Variants in FAM53B observed in about 807,000 individuals in gnomAD.
FAM53B encodes the protein protein FAM53B.
FAM53B carries 12 observed loss-of-function variants against 32.7 expected under a neutral mutation model. The ratio of observed to expected loss-of-function variants is 0.37; its 90% confidence interval spans 0.24 to 0.59. The LOEUF (loss-of-function observed/expected upper bound fraction) is 0.59. Among genes scored for constraint, FAM53B ranks in the 20% least tolerant of loss-of-function variants. The pLI is 0.72. For synonymous variants in FAM53B, 234 were observed against 228.7 expected (o/e 1.02, Z -0.21); for missense variants, 477 against 577.7 (o/e 0.83, Z 1.79).
At chr10:124,732,429 T>A (rs1303493869) in intron 1 of FAM53B, among the ~76,000 whole-genome samples, 1 of 152,110 alleles carries the variant, frequency 6.6e-6, no homozygotes, top group Non-Finnish European at 1.5e-5. Context: ...GCTCCTCAGG[T>A]GAGCAGACGG....
At chr10:124,659,451 T>C (rs921550703) in intron 4 of FAM53B, among the ~76,000 whole-genome samples, 2 of 152,220 alleles carry the variant, frequency 1.3e-5, no homozygotes, top group African/African-American at 2.4e-5. Context: ...CAGTAAGAAC[T>C]TTCTAACACA....
At position 124,643,917 on chromosome 10, in the gene FAM53B, C is replaced by A. The variant is rs73379056; in HGVS notation, c.907-20313G>T. ...CAGAGGTTGGAGATGCCCATCTGTA[C>A]ATGGCATCTGCCCCCAGAAAAGGCT... On this transcript the variant is annotated intron_variant, in intron 4 of 4. Transcript: ENST00000337318. 5.2e-3 allele frequency among the ~76,000 whole-genome samples: 785 copies of A among 152,348 alleles called. 5 individuals are homozygous for A. The highest frequency in any genetic ancestry group is 0.018 in the African/African-American group (752 of 41,572).
chr10:124,621,015 G>A lies in FAM53B; in HGVS notation c.*2227C>T, dbSNP rs1380462125. ...CCTGAATGGGGAGGTGGCAGGCAAG[G>A]TTTGAGGGCAGGTCACCCACACCCC... On this transcript the variant is annotated 3_prime_UTR_variant, in exon 5 of 5. Coordinates refer to ENST00000337318, the MANE Select transcript of FAM53B (RefSeq NM_014661.4). 10 of 152,226 alleles carry A rather than the reference G, an allele frequency of 6.6e-5. No homozygotes were observed. Among genetic ancestry groups the A allele is most frequent in the African/African-American group, 1.9e-4 (8 of 41,438 alleles). 9.4% of individuals were successfully genotyped at this position (152,226 alleles called of 1,614,324 possible).
chr10:124,699,072 G>A (rs1219019168), intron 2 of FAM53B, among the ~76,000 whole-genome samples: 1 of 152,210 alleles, frequency 6.6e-6, no homozygotes, highest in Non-Finnish European at 1.5e-5. Context: ...TGGCCTTGCC[G>A]GACCATCCTG....
intron 1 of FAM53B, among the ~76,000 whole-genome samples, chr10:124,721,129 G>A (rs1222773811): frequency 1.3e-5 from 2 of 152,236 alleles, no homozygotes; most frequent in African/African-American, 4.8e-5. Context: ...TTGAGTCCGA[G>A]AAGCGGAGGT....
rs553323771 is a variant in FAM53B, at chr10:124,640,610, C to G, written c.907-17006G>C. Among the ~76,000 whole-genome samples, 3 of 152,322 alleles carry G rather than the reference C, an allele frequency of 2.0e-5. No homozygotes were observed. In the South Asian group the frequency reaches 6.2e-4, roughly 32 times the overall value. ...GTTCGTTCTGGTGTCCTAGCAGCTGCAGAGCCTCGAATGATGGCAGAGCTA... is the reference window on the plus strand; with the variant it reads ...GTTCGTTCTGGTGTCCTAGCAGCTGGAGAGCCTCGAATGATGGCAGAGCTA... On this transcript the variant is annotated intron_variant, in intron 4 of 4. Coordinates refer to ENST00000337318, the MANE Select transcript of FAM53B (RefSeq NM_014661.4).
At chr10:124,676,597 A>G (rs955890664) in intron 4 of FAM53B, among the ~76,000 whole-genome samples, 6 of 126,960 alleles carry the variant, frequency 4.7e-5, no homozygotes, top group African/African-American at 1.7e-4. Context: ...CCAGCACAAA[A>G]GATGGAAAGT....
chr10:124,727,697 C>A (rs909906823), intron 1 of FAM53B, among the ~76,000 whole-genome samples: 4 of 151,976 alleles, frequency 2.6e-5, no homozygotes, highest in African/African-American at 9.7e-5. Context: ...ACTCAAATGC[C>A]TTCCAGGGCC....
intron 4 of FAM53B, among the ~76,000 whole-genome samples, chr10:124,632,169 G>A (rs1040067765): frequency 6.6e-6 from 1 of 152,242 alleles, no homozygotes. Flanking sequence ...CAGGCCACAC[G>A]GTGGCGACGT....
At position 124,733,338 on chromosome 10, in the gene FAM53B, A is replaced by G. The variant is rs1950156265; in HGVS notation, c.-175+10675T>C. On this transcript the variant is annotated intron_variant, in intron 1 of 4. Transcript: ENST00000337318. This position sits in a 1 kb window ranked among gnomAD's most constrained non-coding sequence, Gnocchi z 4.3. ...CTGGGCTGGCATCTGAGGGCGGTGG[A>G]GGCCTCAGGCGCACTGGCCGCCAAG... 1.3e-5 allele frequency among the ~76,000 whole-genome samples: 2 copies of G among 152,136 alleles called. No homozygotes were observed. Among genetic ancestry groups the G allele is most frequent in the Non-Finnish European group, 2.9e-5 (2 of 68,032 alleles).
At position 124,682,049 on chromosome 10, in the gene FAM53B, T is replaced by G; in HGVS notation, c.464A>C (p.Tyr155Ser). Residue 155 changes from tyrosine to serine, a missense_variant, in exon 4 of 5, where the codon TAT becomes TCT. Physicochemically the swap from Tyr to Ser is moderately radical, Grantham distance 144 (BLOSUM62 -2). Around this residue, in one of 2 missense-constraint regions of FAM53B, gnomAD observed 312 missense variants for 420.2 expected, o/e 0.74. Coordinates refer to ENST00000337318, the MANE Select transcript of FAM53B (RefSeq NM_014661.4). This position sits in a 1 kb window ranked among gnomAD's most constrained non-coding sequence, Gnocchi z 5.2. ...RCYSGGSVQR[Y>S]SNGFSTMQRS... Reference sequence around the variant, plus strand: ...CTGCATGGTGCTGAAGCCGTTGGAATAGCGCTGGACGCTGCCCCCGCTGTA... The same window carrying G: ...CTGCATGGTGCTGAAGCCGTTGGAAGAGCGCTGGACGCTGCCCCCGCTGTA... The G allele has an allele frequency of 6.2e-7, 1 of 1,613,706 alleles. No homozygotes were observed. The highest frequency in any genetic ancestry group is 8.5e-7 in the Non-Finnish European group (1 of 1,179,752).
At chr10:124,718,151 A>G (rs190811665) in intron 1 of FAM53B, among the ~76,000 whole-genome samples, 37 of 152,000 alleles carry the variant, frequency 2.4e-4, no homozygotes, top group African/African-American at 8.4e-4. Context: ...CCGGTCTAAG[A>G]CTATATCACA....
At chr10:124,696,489 T>C (rs1043505397) in intron 2 of FAM53B, among the ~76,000 whole-genome samples, 60 of 152,198 alleles carry the variant, frequency 3.9e-4, no homozygotes, top group African/African-American at 1.4e-3. Context: ...AGGGGATTTT[T>C]CCACATAAGT....
intron 4 of FAM53B, among the ~76,000 whole-genome samples, chr10:124,645,275 G>A (rs1382961110): frequency 1.3e-5 from 2 of 152,210 alleles, no homozygotes; most frequent in South Asian, 2.1e-4. Flanking sequence ...CACAGTAACT[G>A]GGAAAATCCC....
At chr10:124,717,645 C>T (rs1169782206) in intron 1 of FAM53B, among the ~76,000 whole-genome samples, 1 of 152,202 alleles carries the variant, frequency 6.6e-6, no homozygotes, top group Non-Finnish European at 1.5e-5. Flanking sequence ...TGTTGCAGAA[C>T]CTGCCCCTCT....
In FAM53B at chr10:124,710,837, G is replaced by C. The variant is rs934313894; in HGVS notation, c.-174-3950C>G. ...ATACAGCAACTCACCCAGGGTCCGG[G>C]TTCAAAGCTGGGATTTGAACCCTGG... On this transcript the variant is annotated intron_variant, in intron 1 of 4. Coordinates refer to ENST00000337318, the MANE Select transcript of FAM53B (RefSeq NM_014661.4). Among the ~76,000 whole-genome samples the C allele has an allele frequency of 4.6e-5, 7 of 152,122 alleles. No individual in the cohort carries two copies. The South Asian group carries it at 8.3e-4, about 18-fold the overall frequency.
intron 4 of FAM53B, among the ~76,000 whole-genome samples, chr10:124,679,365 C>T (rs141652294): frequency 1.5e-3 from 229 of 152,362 alleles, no homozygotes; most frequent in Middle Eastern, 3.4e-3. Flanking sequence ...ACACCAGCAA[C>T]ATGCCCAGCT....
chr10:124,715,588 T>C (rs538985603), intron 1 of FAM53B, among the ~76,000 whole-genome samples: 7 of 152,330 alleles, frequency 4.6e-5, no homozygotes, highest in African/African-American at 1.7e-4. Context: ...AGCCTAGGTG[T>C]TGCCCTCCCT....
At chr10:124,737,628 G>A (rs1950180495) in intron 1 of FAM53B, among the ~76,000 whole-genome samples, 1 of 152,164 alleles carries the variant, frequency 6.6e-6, no homozygotes, top group Non-Finnish European at 1.5e-5. Flanking sequence ...TTCTCTTCCA[G>A]AAGGTTACAT....
Sources: gnomAD v4.1 joint callset for allele counts (sites outside exome capture counted in the v4.1 genomes callset) on GRCh38, gnomAD v4.1.1 for gene constraint, gnomAD v4.1.1 regional missense constraint, Gnocchi (gnomAD v3.1) non-coding constraint, MANE v1.5 for transcripts, NCBI Gene and HGNC (gene_info 2026-07-23, HGNC 2026-07-21) for gene names.